GAB1: variants seen among roughly 807,000 people sequenced by gnomAD.
GAB1 encodes the protein GRB2 associated binding protein 1.
Under a neutral mutation model 66.5 loss-of-function variants are expected in GAB1, and 19 were observed. The observed-to-expected ratio is 0.29, with a 90% CI of 0.20 to 0.42. GAB1 has a LOEUF of 0.42. Ranked by LOEUF, GAB1 falls within the 10% of genes least tolerant of loss-of-function variation. GAB1 has a pLI of 1.00. For missense variants in GAB1, 732 were observed against 858.5 expected, an observed-to-expected ratio of 0.85 and a Z score of 1.84; for synonymous variants, 294 against 301.4, an observed-to-expected ratio of 0.98 and a Z score of 0.25.
At chr4:143,389,710 G>T (rs1467029094) in intron 1 of GAB1, among the ~76,000 whole-genome samples, 2 of 152,186 alleles carry the variant, frequency 1.3e-5, no homozygotes, top group Non-Finnish European at 2.9e-5. Context: ...CATATCCAGT[G>T]TCTAGCAGTG....
At position 143,337,073 on chromosome 4, in the gene GAB1, G is replaced by A; in HGVS notation, c.-116G>A. On this transcript the variant is annotated 5_prime_UTR_variant, in exon 1 of 10. The change creates a new upstream start codon in the 5' untranslated region. Transcript: ENST00000262994. ...AGTCTGTCCGCCCAGTCCGTCCGGG[G>A]TGCGCGACCAGGAGAGCTAGGTTCT... The A allele has an allele frequency of 3.5e-6, 3 of 852,490 alleles. No homozygotes were observed. Among genetic ancestry groups the A allele is most frequent in the Admixed American group, 2.6e-5 (1 of 37,970 alleles). The allele number at this position is 852,490 out of a possible 1,614,324, so 52.8% of individuals were successfully genotyped here.
Position 143,470,888 on chromosome 4 carries a change from A to C in GAB1, c.*1699A>C, listed in dbSNP as rs1736046149. ...ATGAATTGTAGACTAGTAACATTTG[A>C]TGCTTTTAAATATTTGCTTCTTTTT... On this transcript the variant is annotated 3_prime_UTR_variant, in exon 10 of 10. Transcript: ENST00000262994. 6.6e-6 allele frequency: 1 copy of C among 152,234 alleles called. No individual in the cohort carries two copies. Among genetic ancestry groups the C allele is most frequent in the Non-Finnish European group, 1.5e-5 (1 of 68,032 alleles). 9.4% of individuals were successfully genotyped at this position (152,234 alleles called of 1,614,324 possible).
chr4:143,394,070 G>A (rs1047736405), intron 1 of GAB1, among the ~76,000 whole-genome samples: 1 of 152,094 alleles, frequency 6.6e-6, no homozygotes, highest in Non-Finnish European at 1.5e-5. Context: ...TCAGGAGATC[G>A]AGACCATCCT....
intron 1 of GAB1, among the ~76,000 whole-genome samples, chr4:143,380,132 A>G (rs1305705334): frequency 6.6e-6 from 1 of 151,536 alleles, no homozygotes; most frequent in Non-Finnish European, 1.5e-5. Context: ...TTTTATTCAT[A>G]AAATGAGAAT....
intron 1 of GAB1, among the ~76,000 whole-genome samples, chr4:143,356,823 G>C (rs1030428291): frequency 1.3e-5 from 2 of 152,166 alleles, no homozygotes; most frequent in Admixed American, 1.3e-4. Context: ...GAGGAGTGCA[G>C]AGATTTGAGC....
intron 1 of GAB1, among the ~76,000 whole-genome samples, chr4:143,403,132 T>A (rs764542891): frequency 1.1e-4 from 16 of 152,200 alleles, no homozygotes; most frequent in Non-Finnish European, 2.2e-4. Flanking sequence ...GTGTACTTGT[T>A]TTCTTTTTTC....
chr4:143,406,618 T>C (rs964094162), intron 1 of GAB1, among the ~76,000 whole-genome samples: 5 of 152,226 alleles, frequency 3.3e-5, no homozygotes, highest in Non-Finnish European at 5.9e-5. Context: ...CATCCTGACC[T>C]GAGCTCACTG....
chr4:143,380,991 A>G (rs1312292728), intron 1 of GAB1, among the ~76,000 whole-genome samples: 2 of 152,164 alleles, frequency 1.3e-5, no homozygotes. Flanking sequence ...TTCAAATAGC[A>G]TTCATATGTA....
At chr4:143,369,936 G>C (rs1177864555) in intron 1 of GAB1, among the ~76,000 whole-genome samples, 1 of 152,192 alleles carries the variant, frequency 6.6e-6, no homozygotes, top group African/African-American at 2.4e-5. Context: ...AAGAGTTACA[G>C]AGTTGGCTGA....
intron 1 of GAB1, among the ~76,000 whole-genome samples, chr4:143,400,750 C>T (rs970859595): frequency 6.6e-6 from 1 of 151,990 alleles, no homozygotes; most frequent in African/African-American, 2.4e-5. Context: ...GGCAGATCAC[C>T]TGAGGTCGGG....
rs188021195 is a variant in GAB1 at position 143,385,900 on chromosome 4, G to A, written c.73-29577G>A. ...CATGCCTGTAACCCCAGCTCTTGGG[G>A]AGGTCAAGGCAGGAGGATAGCTTGA... On this transcript the variant is annotated intron_variant, in intron 1 of 9. Transcript: ENST00000262994. Among the ~76,000 whole-genome samples, 34 of 152,312 alleles carry A rather than the reference G, an allele frequency of 2.2e-4. 1 individual carries two copies. The highest frequency in any genetic ancestry group is 4.3e-4 in the Non-Finnish European group (29 of 68,016).
rs532117136 is a variant in GAB1 at position 143,411,676 on chromosome 4, G to A, written c.73-3801G>A. On this transcript the variant is annotated intron_variant, in intron 1 of 9. Coordinates refer to ENST00000262994, the MANE Select transcript of GAB1 (RefSeq NM_002039.4). ...AACAAAGACTGATTTATGTGGGCCC[G>A]TTTTGTGCTCTGACAAAACATAGAG... is the stretch of plus-strand genomic sequence containing the variant. Among the ~76,000 whole-genome samples the A allele has an allele frequency of 4.6e-5, 7 of 152,266 alleles. No homozygotes were observed. In the East Asian group the frequency reaches 5.8e-4, roughly 13 times the overall value.
rs533014643 is a variant in GAB1, at chr4:143,390,956, G to A, written c.73-24521G>A. 1.3e-3 allele frequency among the ~76,000 whole-genome samples: 197 copies of A among 152,262 alleles called. 6 individuals are homozygous for A. The South Asian group carries it at 0.039, about 30-fold the overall frequency. ...GTCTTCATGCTCAGTCCTAGAGAAG[G>A]CACACATCATTGCCATGTACTTTGC... On this transcript the variant is annotated intron_variant, in intron 1 of 9. Transcript: ENST00000262994.
In GAB1 at chr4:143,460,330, G is replaced by A. The variant is rs113890490; in HGVS notation, c.1680-34G>A. On this transcript the variant is annotated intron_variant, in intron 7 of 9. Transcript: ENST00000262994. ...GAATAATTTTAGATATTTTTGTCAA[G>A]GCTTATGTTTGTGATGATAATTTCT... The A allele has an allele frequency of 1.3e-4, 206 of 1,609,668 alleles. 1 individual carries two copies. The African/African-American group carries it at 2.5e-3, about 20-fold the overall frequency.
intron 3 of GAB1, among the ~76,000 whole-genome samples, chr4:143,435,961 T>C (rs955569502): frequency 3.9e-5 from 6 of 152,204 alleles, no homozygotes; most frequent in Non-Finnish European, 8.8e-5. Context: ...AGAAACGATG[T>C]TTTTACTTAC....
intron 1 of GAB1, among the ~76,000 whole-genome samples, chr4:143,364,933 A>C (rs1483157447): frequency 1.5e-5 from 2 of 130,542 alleles, no homozygotes; most frequent in Non-Finnish European, 3.1e-5. Context: ...GCTGGAGTGC[A>C]GTGGCGCTAT....
intron 3 of GAB1, chr4:143,433,964 T>C: frequency 1.6e-6 from 1 of 642,558 alleles, no homozygotes. Context: ...CCTACAAGGC[T>C]CTTTTGGAAA....
At chr4:143,448,338 A>G (rs539700092) in intron 6 of GAB1, among the ~76,000 whole-genome samples, 3 of 151,824 alleles carry the variant, frequency 2.0e-5, no homozygotes, top group Non-Finnish European at 2.9e-5. Flanking sequence ...CTCTTTTTCT[A>G]TTGATTGGAA....
intron 1 of GAB1, among the ~76,000 whole-genome samples, chr4:143,338,778 T>C (rs1728738609): frequency 6.6e-6 from 1 of 151,664 alleles, no homozygotes. Flanking sequence ...TAAATATATT[T>C]GTTTTGAGAA....
Sources: allele counts gnomAD v4.1 joint callset (sites outside exome capture counted in the v4.1 genomes callset), GRCh38; gene constraint gnomAD v4.1.1; transcripts MANE v1.5; gene names NCBI Gene and HGNC (gene_info 2026-07-23, HGNC 2026-07-21).